The following RBPJ variants were observed in gnomAD, a reference collection of about 807,000 sequenced individuals.
RBPJ encodes recombination signal binding protein for immunoglobulin kappa J region, also known as recombining binding protein suppressor of hairless.
RBPJ carries 9 observed loss-of-function variants against 67.8 expected under a neutral mutation model. That is an observed-to-expected ratio of 0.13 (90% CI 0.08 to 0.23). The LOEUF (loss-of-function observed/expected upper bound fraction) is 0.23. RBPJ is among the 10% of genes least tolerant of loss of function. The probability of loss-of-function intolerance (pLI) is 1.00; values close to 1 mark genes in which losing one functional copy is unlikely to be tolerated. For missense variants in RBPJ, 305 were observed against 595.6 expected (o/e 0.51, Z 5.08); for synonymous variants, 198 against 203.3 (o/e 0.97, Z 0.22).
At chr4:26,335,416 G>A (rs554666421) in intron 1 of RBPJ, among the ~76,000 whole-genome samples, 11 of 151,920 alleles carry the variant, frequency 7.2e-5, no homozygotes, top group Admixed American at 6.6e-5. Flanking sequence ...TCCTGACCTC[G>A]TGATCCACCC....
intron 1 of RBPJ, among the ~76,000 whole-genome samples, chr4:26,255,646 C>CAA (rs1161692272): frequency 6.7e-6 from 1 of 150,264 alleles, no homozygotes; most frequent in Non-Finnish European, 1.5e-5. Flanking sequence ...ACTAAAAATA[C>CAA]AAAAAATTAG....
At chr4:26,297,514 G>A (rs1235156478) in intron 1 of RBPJ, among the ~76,000 whole-genome samples, 1 of 151,970 alleles carries the variant, frequency 6.6e-6, no homozygotes, top group African/African-American at 2.4e-5. Flanking sequence ...GTGTTATTGT[G>A]TTTCTGTGTT....
intron 1 of RBPJ, among the ~76,000 whole-genome samples, chr4:26,178,744 A>G (rs1467674070): frequency 6.6e-6 from 1 of 151,876 alleles, no homozygotes; most frequent in Non-Finnish European, 1.5e-5. Flanking sequence ...TTCCACCGAG[A>G]ACGGGATGCT....
chr4:26,414,787 C>A (rs1171790205), intron 3 of RBPJ, among the ~76,000 whole-genome samples: 1 of 152,138 alleles, frequency 6.6e-6, no homozygotes, highest in Non-Finnish European at 1.5e-5. Context: ...GCAAAACAAA[C>A]CTGTCATATT....
At position 26,362,171 on chromosome 4, in the gene RBPJ, A is replaced by G. The variant is rs142947046; in HGVS notation, c.21-24182A>G. ...CAGACCTAGCACCTAGCAAGTCTTC[A>G]GACCAGTCTTTTAAGTAATTTTTAT... On this transcript the variant is annotated intron_variant, in intron 1 of 10. Transcript: ENST00000355476. 1.9e-4 allele frequency among the ~76,000 whole-genome samples: 29 copies of G among 152,338 alleles called. No individual in the cohort carries two copies. The East Asian group carries it at 5.6e-3, about 29-fold the overall frequency.
chr4:26,294,839 G>A (rs1721807143), intron 1 of RBPJ, among the ~76,000 whole-genome samples: 4 of 151,272 alleles, frequency 2.6e-5, no homozygotes, highest in Admixed American at 2.6e-4. Flanking sequence ...TCGCGCCATT[G>A]CACTCCAGCC....
At chr4:26,186,339 CAT>C (rs1160987728) in intron 1 of RBPJ, among the ~76,000 whole-genome samples, 2 of 151,948 alleles carry the variant, frequency 1.3e-5, no homozygotes, top group Non-Finnish European at 1.5e-5. Flanking sequence ...TTACTTAACT[CAT>C]AGGGTTTTTA....
chr4:26,260,253 T>C (rs1720483249), intron 1 of RBPJ, among the ~76,000 whole-genome samples: 2 of 152,226 alleles, frequency 1.3e-5, no homozygotes, highest in Non-Finnish European at 1.5e-5. Context: ...CTAATACAAA[T>C]ACATATCTTG....
chr4:26,167,838 A>G (rs556820073), intron 1 of RBPJ, among the ~76,000 whole-genome samples: 1 of 151,920 alleles, frequency 6.6e-6, no homozygotes, highest in South Asian at 2.1e-4. Context: ...ATTCAGTATG[A>G]TATTGGCTGT....
chr4:26,210,304 C>T (rs1718340038), intron 1 of RBPJ, among the ~76,000 whole-genome samples: 1 of 152,176 alleles, frequency 6.6e-6, no homozygotes, highest in South Asian at 2.1e-4. Context: ...CTCCTCTTCA[C>T]TAAACCTCTA....
chr4:26,413,228 T>C (rs1295622979), intron 3 of RBPJ, among the ~76,000 whole-genome samples: 1 of 152,180 alleles, frequency 6.6e-6, no homozygotes, highest in African/African-American at 2.4e-5. Context: ...TTGCACTGGC[T>C]CTTTCCTCTG....
intron 1 of RBPJ, among the ~76,000 whole-genome samples, chr4:26,373,804 A>G (rs951474864): frequency 1.3e-5 from 2 of 152,038 alleles, no homozygotes; most frequent in African/African-American, 4.8e-5. Flanking sequence ...TGACATACAT[A>G]TATGTGCACA....
At position 26,233,658 on chromosome 4, in the gene RBPJ, A is replaced by T. The variant is rs533112027; in HGVS notation, c.-167+70044A>T. On this transcript the variant is annotated intron_variant, in intron 1 of 4. Coordinates refer to the RBPJ transcript ENST00000512351. ...TTTCATTTTCAGTCTGTCTCTTCAA[A>T]ATAAAATCAGAGCAAATAAAACAGG... Among the ~76,000 whole-genome samples, 3 of 152,350 alleles carry T rather than the reference A, an allele frequency of 2.0e-5. No homozygotes were observed. The East Asian group carries it at 5.8e-4, about 29-fold the overall frequency.
the RBPJ span, among the ~76,000 whole-genome samples, chr4:26,138,198 C>G: frequency 6.6e-6 from 1 of 152,136 alleles, no homozygotes; most frequent in Admixed American, 6.5e-5. Flanking sequence ...CTGGAGCAAA[C>G]CTTACCTGAT....
chr4:26,220,029 C>T (rs548931154), intron 1 of RBPJ, among the ~76,000 whole-genome samples: 55 of 152,132 alleles, frequency 3.6e-4, no homozygotes, highest in African/African-American at 1.2e-3. Context: ...GTGATCAGCC[C>T]GCCTTGGCCT....
upstream of RBPJ, among the ~76,000 whole-genome samples, chr4:26,315,179 T>A (rs1291234294): frequency 9.1e-5 from 10 of 109,578 alleles, no homozygotes; most frequent in African/African-American, 2.9e-4. Flanking sequence ...TATATATATA[T>A]ATATATATAT....
In RBPJ at chr4:26,270,429, GAAAGAAAGAAGA is replaced by G. The variant is rs1410143949; in HGVS notation, c.-166-92014_-166-92003del. Among the ~76,000 whole-genome samples the G allele has an allele frequency of 1.8e-3, 101 of 56,632 alleles. No homozygotes were observed. The Middle Eastern group carries it at 0.03, about 17-fold the overall frequency. 37.2% of individuals were successfully genotyped at this position (56,632 alleles called of 152,430 possible). On this transcript the variant is annotated intron_variant, in intron 1 of 4. Transcript: ENST00000512351. ...AGAAAGAAAGAAAGAAAGAAAGAAAGAAAGAAAGAAGAAAGAAAGAAAGAAAGAAAAGAAAAG... is the reference window on the plus strand; with the variant it reads ...AGAAAGAAAGAAAGAAAGAAAGAAAGAAGAAAGAAAGAAAGAAAAGAAAAG...
At chr4:26,125,305 C>T in the RBPJ span, among the ~76,000 whole-genome samples, 2 of 152,186 alleles carry the variant, frequency 1.3e-5, no homozygotes, top group East Asian at 1.9e-4. Flanking sequence ...CCCCTCTCCA[C>T]CACACATACT....
chr4:26,225,775 A>G (rs1014502001), intron 1 of RBPJ, among the ~76,000 whole-genome samples: 4 of 152,058 alleles, frequency 2.6e-5, no homozygotes, highest in Admixed American at 6.6e-5. Flanking sequence ...AAGATCTATT[A>G]ATTTTAAAAA....
Sources: allele counts gnomAD v4.1 joint callset (sites outside exome capture counted in the v4.1 genomes callset), GRCh38; gene constraint gnomAD v4.1.1; transcripts MANE v1.5; gene names NCBI Gene and HGNC (gene_info 2026-07-23, HGNC 2026-07-21).